ITPR2: variants seen among roughly 807,000 people sequenced by gnomAD.
The protein encoded by ITPR2 is inositol 1,4,5-trisphosphate receptor type 2, also known as inositol 1,4,5-trisphosphate-gated calcium channel ITPR2.
A neutral mutation model predicts 317.1 loss-of-function variants in ITPR2; 207 were observed. The observed-to-expected ratio is 0.65, with a 90% confidence interval of 0.58 to 0.73. The LOEUF is 0.73. Ranked by LOEUF, ITPR2 falls within the 30% of genes least tolerant of loss-of-function variation. ITPR2 has a pLI of 0.00. For missense variants in ITPR2, 2,613 were observed against 3,284.0 expected, an observed-to-expected ratio of 0.80 and a Z score of 4.99; for synonymous variants, 1,156 against 1,149.1, an observed-to-expected ratio of 1.01 and a Z score of -0.12.
chr12:26,665,035 A>C (rs1947592275), intron 14 of ITPR2, among the ~76,000 whole-genome samples: 1 of 152,236 alleles, frequency 6.6e-6, no homozygotes, highest in Non-Finnish European at 1.5e-5. Flanking sequence ...ATAGCAATTA[A>C]TAGAATAAAA....
chr12:26,483,968 C>T, intron 41 of ITPR2, 70 bp from the exon 42 acceptor site: 1 of 1,279,016 alleles, frequency 7.8e-7, no homozygotes, highest in Non-Finnish European at 1.1e-6. Context: ...CTGTTCTTCC[C>T]ATATGTGTGC....
chr12:26,763,381 G>C (rs2137129923), intron 2 of ITPR2, among the ~76,000 whole-genome samples: 1 of 152,172 alleles, frequency 6.6e-6, no homozygotes, highest in South Asian at 2.1e-4. Context: ...AAACAAGCTA[G>C]TGAAAATAAA....
At position 26,655,834 on chromosome 12, in the gene ITPR2, G is replaced by A; in HGVS notation, c.2463C>T (p.Asp821=). 2 of 1,610,782 alleles carry A rather than the reference G, an allele frequency of 1.2e-6. No individual in the cohort carries two copies. Among genetic ancestry groups the A allele is most frequent in the South Asian group, 1.1e-5 (1 of 90,982 alleles). The change falls in exon 20 of 57, where the codon GAC becomes GAT. Residue 821 remains aspartate (D), a synonymous_variant. Transcript: ENST00000381340. The stretch of plus-strand genomic sequence containing the variant: ...TCCTCTTCATATCATTTCTGGAAGA[G>A]TCTGTTATAGAATCATATCTGGAAA... ...ITIHEYDSIT[D]SSRNDMKRKF... is the part of the protein sequence containing the mutation.
chr12:26,692,574 C>T (rs1948261007), intron 10 of ITPR2, among the ~76,000 whole-genome samples: 1 of 152,160 alleles, frequency 6.6e-6, no homozygotes, highest in Non-Finnish European at 1.5e-5. Context: ...CTGTCAGGTT[C>T]CCAGCTGGGC....
At chr12:26,675,329 A>T (rs1393937663) in intron 13 of ITPR2, among the ~76,000 whole-genome samples, 1 of 152,246 alleles carries the variant, frequency 6.6e-6, no homozygotes, top group Non-Finnish European at 1.5e-5. Flanking sequence ...TGGATTAAGA[A>T]AATGTGGCAC....
Position 26,632,013 on chromosome 12 carries a change from G to T in ITPR2, c.2787C>A (p.Thr929=), listed in dbSNP as rs757503364. The change falls in exon 22 of 57, where the codon ACC becomes ACA. Residue 929 remains threonine (T), a synonymous_variant. Transcript: ENST00000381340. Reference sequence around the variant, plus strand: ...TGGAGCCTCTACTGAGTACCATCTGGGTCATCATCTCTCCCACCCCATGAA... The same window carrying T: ...TGGAGCCTCTACTGAGTACCATCTGTGTCATCATCTCTCCCACCCCATGAA... ...RTIHGVGEMM[T]QMVLSRGSIF... 4 of 1,601,904 alleles carry T rather than the reference G, an allele frequency of 2.5e-6. No homozygotes were observed. Among genetic ancestry groups the T allele is most frequent in the East Asian group, 2.2e-5 (1 of 44,558 alleles).
At chr12:26,746,986 T>C (rs1459109382) in intron 2 of ITPR2, among the ~76,000 whole-genome samples, 2 of 152,154 alleles carry the variant, frequency 1.3e-5, no homozygotes, top group African/African-American at 4.8e-5. Context: ...ACTTTTTCTC[T>C]TGCTAAATAT....
intron 54 of ITPR2, among the ~76,000 whole-genome samples, chr12:26,388,093 C>T (rs947594522): frequency 1.3e-5 from 2 of 152,214 alleles, no homozygotes; most frequent in African/African-American, 4.8e-5. Context: ...GCCGTCCACA[C>T]GCTGAGGACA....
At chr12:26,474,289 T>A (rs1488251766) in intron 45 of ITPR2, among the ~76,000 whole-genome samples, 5 of 152,176 alleles carry the variant, frequency 3.3e-5, no homozygotes, top group Admixed American at 3.3e-4. Context: ...ATAGAGCAAG[T>A]CTCTAAAGTT....
chr12:26,702,203 T>C (rs951555408), intron 9 of ITPR2, among the ~76,000 whole-genome samples: 3 of 152,020 alleles, frequency 2.0e-5, no homozygotes, highest in African/African-American at 7.2e-5. Flanking sequence ...AATATCAGTG[T>C]ATATTTACCT....
At chr12:26,407,152 A>G (rs564433630) in intron 52 of ITPR2, among the ~76,000 whole-genome samples, 26 of 152,210 alleles carry the variant, frequency 1.7e-4, no homozygotes, top group South Asian at 1.7e-3. Flanking sequence ...ACTTTCCCCC[A>G]ATGTGCCTGG....
intron 1 of ITPR2, among the ~76,000 whole-genome samples, chr12:26,832,296 G>T (rs1951125040): frequency 6.6e-6 from 1 of 152,238 alleles, no homozygotes; most frequent in Non-Finnish European, 1.5e-5. Flanking sequence ...GAGACCAGGG[G>T]CTGAGGACGG....
intron 52 of ITPR2, among the ~76,000 whole-genome samples, chr12:26,410,470 T>C (rs193001711): frequency 6.6e-6 from 1 of 152,280 alleles, no homozygotes; most frequent in Admixed American, 6.5e-5. Context: ...GAAAGCACTA[T>C]CATTATGACC....
In ITPR2 at chr12:26,578,777, G is replaced by T; in HGVS notation, c.4566C>A (p.Cys1522Ter). The T allele has an allele frequency of 4.3e-6, 7 of 1,611,334 alleles. No homozygotes were observed. Among genetic ancestry groups the T allele is most frequent in the Non-Finnish European group, 5.9e-6 (7 of 1,177,950 alleles). ...CTTTCTGCGCTGGGTTTGGCCAGGTGCAATTGTAAATTCTGAAGGCAGATT... is the reference window on the plus strand; with the variant it reads ...CTTTCTGCGCTGGGTTTGGCCAGGTTCAATTGTAAATTCTGAAGGCAGATT... ...LLQSAFRIYN[C>*]TWPNPAQKAS... The change falls in exon 34 of 57, where the codon TGC becomes TGA. Residue 1522 changes from cysteine to a stop codon, truncating the protein, a stop_gained. Transcript: ENST00000381340. LOFTEE classifies it high-confidence loss of function.
chr12:26,341,059 G>A (rs945672162), intron 55 of ITPR2, among the ~76,000 whole-genome samples: 8 of 152,130 alleles, frequency 5.3e-5, no homozygotes, highest in African/African-American at 1.9e-4. Flanking sequence ...GACTCTGCTC[G>A]ATTGTCTAAC....
rs970589545 is a variant in ITPR2 at position 26,350,741 on chromosome 12, T to C, written c.7858-10413A>G. 7.3e-5 allele frequency among the ~76,000 whole-genome samples: 11 copies of C among 151,010 alleles called. 1 individual carries two copies. The highest frequency in any genetic ancestry group is 2.7e-4 in the African/African-American group (11 of 41,076). ...TGGCCCATTCCTCCTCCTTCCTCCT[T>C]CCCAACTCTCCCTCTTAGAAACTTT... On this transcript the variant is annotated intron_variant, in intron 55 of 56. Coordinates refer to ENST00000381340, the MANE Select transcript of ITPR2 (RefSeq NM_002223.4).
rs1941344355 is a variant in ITPR2, at chr12:26,436,164, A to G, written c.6769+57T>C. Reference sequence around the variant, plus strand: ...GAAATTATTCTTATTTTGAAGCTTTAAATAGTTAAGTGGGAACTTTAAAAT... The same window carrying G: ...GAAATTATTCTTATTTTGAAGCTTTGAATAGTTAAGTGGGAACTTTAAAAT... On this transcript the variant is annotated intron_variant, in intron 48 of 56. Transcript: ENST00000381340. 3.5e-6 allele frequency: 5 copies of G among 1,434,550 alleles called. No homozygotes were observed. The Admixed American group carries it at 1.1e-4, about 32-fold the overall frequency. The allele number at this position is 1,434,550 out of a possible 1,614,324, so 88.9% of individuals were successfully genotyped here.
chr12:26,589,585 G>A (rs1264251997), intron 32 of ITPR2, among the ~76,000 whole-genome samples: 2 of 150,776 alleles, frequency 1.3e-5, no homozygotes, highest in African/African-American at 2.4e-5. Flanking sequence ...TCAGGGGTTC[G>A]AGACCAGGGT....
intron 1 of ITPR2, among the ~76,000 whole-genome samples, chr12:26,799,533 T>C (rs1161721653): frequency 6.6e-6 from 1 of 152,172 alleles, no homozygotes; most frequent in Non-Finnish European, 1.5e-5. Context: ...GAGTTACACA[T>C]AGCCTTTCAA....
Sources: gnomAD v4.1 joint callset for allele counts (sites outside exome capture counted in the v4.1 genomes callset) on GRCh38, gnomAD v4.1.1 for gene constraint, MANE v1.5 for transcripts, NCBI Gene and HGNC (gene_info 2026-07-23, HGNC 2026-07-21) for gene names.